Variants in KIF1B observed in about 807,000 individuals in gnomAD.
KIF1B encodes kinesin family member 1B, also known as kinesin-like protein KIF1B.
In KIF1B, 76 loss-of-function variants were observed where a neutral mutation model predicts 241.9. The ratio of observed to expected loss-of-function variants is 0.31; its 90% CI spans 0.26 to 0.38. The LOEUF is 0.38. Ranked by LOEUF, KIF1B falls within the 10% of genes least tolerant of loss-of-function variation. The pLI, the probability that KIF1B is intolerant of heterozygous loss-of-function variation, is 1.00. For synonymous variants in KIF1B, 750 were observed against 796.7 expected (o/e 0.94, Z 0.99); for missense variants, 1,622 against 2,271.4 (o/e 0.71, Z 5.81).
intron 2 of KIF1B, among the ~76,000 whole-genome samples, chr1:10,240,074 T>C (rs1167867836): frequency 5.9e-5 from 9 of 152,178 alleles, no homozygotes; most frequent in African/African-American, 1.9e-4. Context: ...CTGCTAATTT[T>C]TGTATTTTTG....
chr1:10,273,224 T>C (rs1648897015), intron 10 of KIF1B, among the ~76,000 whole-genome samples, 193 bp downstream of exon 10: 1 of 152,156 alleles, frequency 6.6e-6, no homozygotes, highest in Non-Finnish European at 1.5e-5. Flanking sequence ...AAAATTAATT[T>C]CTAGAACATG....
chr1:10,313,783 C>T (rs1053618807), intron 22 of KIF1B, among the ~76,000 whole-genome samples: 10 of 151,286 alleles, frequency 6.6e-5, no homozygotes, highest in Non-Finnish European at 1.3e-4. Flanking sequence ...ATCTCCTGAC[C>T]TCGTGATCTG....
rs1648887044 is a variant in KIF1B, at chr1:10,273,024, C to T, written c.875C>T (p.Thr292Ile). ...ISALAEVDNC[T>I]SKSKKKKKTD... ...TGCTTTCACCTGTAGGATAACTGCA[C>T]TAGCAAGGTACAGTGGGGATTGGTA... The change falls in exon 10 of 49, where the codon ACT becomes ATT. Residue 292 changes from threonine (T) to isoleucine (I), a missense_variant. By Grantham distance (89) the Thr-to-Ile change is moderately conservative. This residue lies in a region of KIF1B where 201 missense variants were observed against 301.2 expected (regional missense o/e 0.67). Coordinates refer to ENST00000676179, the MANE Select transcript of KIF1B (RefSeq NM_001365951.3). 1.9e-6 allele frequency: 3 copies of T among 1,546,162 alleles called. No homozygotes were observed. Among genetic ancestry groups the T allele is most frequent in the East Asian group, 2.4e-5 (1 of 40,884 alleles).
Position 10,334,602 on chromosome 1 carries a change from C to A in KIF1B, c.3007C>A (p.Arg1003=). 6.2e-7 allele frequency: 1 copy of A among 1,613,898 alleles called. No homozygotes were observed. Among genetic ancestry groups the A allele is most frequent in the Non-Finnish European group, 8.5e-7 (1 of 1,179,858 alleles). ...VAIVSEKGEV[R]GFLRVAVQAI... ...CATCGTCAGTGAGAAAGGTGAAGTGCGGGGATTTCTGCGTGTGGCTGTACA... is the reference window on the plus strand; with the variant it reads ...CATCGTCAGTGAGAAAGGTGAAGTGAGGGGATTTCTGCGTGTGGCTGTACA... The change falls in exon 28 of 49, where the codon CGG becomes AGG. Residue 1003 remains arginine (R), a synonymous_variant. Coordinates refer to ENST00000676179, the MANE Select transcript of KIF1B (RefSeq NM_001365951.3).
At chr1:10,315,171 CTTTTTTTTTTTTTT>C (rs765236286) in intron 22 of KIF1B, among the ~76,000 whole-genome samples, 1 of 80,064 alleles carries the variant, frequency 1.2e-5, no homozygotes, top group Non-Finnish European at 2.4e-5. Flanking sequence ...CAAGAATATT[CTTTTTTTTTTTTTT>C]TTTTTTTTTT....
intron 2 of KIF1B, among the ~76,000 whole-genome samples, chr1:10,243,102 G>A (rs1192410484): frequency 1.3e-5 from 2 of 152,104 alleles, no homozygotes; most frequent in Non-Finnish European, 2.9e-5. Flanking sequence ...TAAACTTGAG[G>A]AGGCAAAATG....
At chr1:10,299,294 C>G (rs1360046560) in intron 22 of KIF1B, among the ~76,000 whole-genome samples, 1 of 152,068 alleles carries the variant, frequency 6.6e-6, no homozygotes, top group African/African-American at 2.4e-5. Flanking sequence ...TGCAGATAAT[C>G]AGATTCTGGT....
At chr1:10,348,533 T>C (rs1652670073) in intron 36 of KIF1B, 116 bp from the exon 37 acceptor site, 1 of 770,648 alleles carries the variant, frequency 1.3e-6, no homozygotes, top group Non-Finnish European at 2.3e-6. Flanking sequence ...TTTCCGTCTT[T>C]CCACACCTCT....
intron 27 of KIF1B, among the ~76,000 whole-genome samples, chr1:10,331,901 G>T (rs1480878745): frequency 1.3e-5 from 2 of 152,226 alleles, no homozygotes; most frequent in African/African-American, 2.4e-5. Context: ...CAATAAAGAA[G>T]AAAATACAAA....
intron 2 of KIF1B, among the ~76,000 whole-genome samples, chr1:10,252,808 C>G (rs889277601): frequency 2.0e-5 from 3 of 152,004 alleles, no homozygotes; most frequent in Non-Finnish European, 4.4e-5. Context: ...CAACCTCCAC[C>G]TCTCGGGTTC....
intron 2 of KIF1B, among the ~76,000 whole-genome samples, chr1:10,246,845 T>A (rs77367187): frequency 6.6e-5 from 10 of 152,276 alleles, no homozygotes; most frequent in African/African-American, 1.9e-4. Context: ...CCTGTCACAT[T>A]TATTTCATTT....
intron 1 of KIF1B, among the ~76,000 whole-genome samples, chr1:10,221,032 T>TA (rs1183180767): frequency 2.6e-5 from 4 of 151,874 alleles, no homozygotes; most frequent in African/African-American, 9.7e-5. Flanking sequence ...AAAAATCTGA[T>TA]ATGTCAGGAG....
At chr1:10,367,579 C>T (rs1357628631) in intron 43 of KIF1B, among the ~76,000 whole-genome samples, 1 of 149,874 alleles carries the variant, frequency 6.7e-6, no homozygotes, top group African/African-American at 2.5e-5. Flanking sequence ...CTGTGGCCCA[C>T]GCTGGAGTGC....
chr1:10,367,253 A>C (rs1226861966), intron 43 of KIF1B, among the ~76,000 whole-genome samples: 1 of 150,700 alleles, frequency 6.6e-6, no homozygotes, highest in Non-Finnish European at 1.5e-5. Flanking sequence ...GTGCCACCAC[A>C]CCTGGCTAAT....
In KIF1B at chr1:10,324,729, A is replaced by G. The variant is rs1201395; in HGVS notation, c.2538-29A>G. On this transcript the variant is annotated intron_variant, in intron 25 of 48. Coordinates refer to ENST00000676179, the MANE Select transcript of KIF1B (RefSeq NM_001365951.3). ...AGTTTAATGCAATCTCATTATATTAACCCAATGTGCTTTGTGTTTACTAAA... is the reference window on the plus strand; with the variant it reads ...AGTTTAATGCAATCTCATTATATTAGCCCAATGTGCTTTGTGTTTACTAAA... 5.6e-6 allele frequency: 9 copies of G among 1,613,106 alleles called. 1 individual carries two copies. The South Asian group carries it at 8.8e-5, about 16-fold the overall frequency.
Position 10,365,765 on chromosome 1 carries a change from G to A in KIF1B, c.4752+117G>A. 1 of 1,410,838 alleles carries A rather than the reference G, an allele frequency of 7.1e-7. No homozygotes were observed. The highest frequency in any genetic ancestry group is 9.9e-7 in the Non-Finnish European group (1 of 1,013,480). The allele number at this position is 1,410,838 out of a possible 1,614,324, so 87.4% of individuals were successfully genotyped here. A position where few individuals can be genotyped will look rare whatever the true frequency, so the allele number is the denominator to read the frequency against. On this transcript the variant is annotated intron_variant, in intron 43 of 48. Transcript: ENST00000676179. The surrounding 1 kb of genome is among the most constrained non-coding windows in gnomAD (Gnocchi z 4.0). ...GTGTTTGAAGGCCTGTGATAATACT[G>A]TGAATGTAGAAATAAAAAGACGCAG...
At chr1:10,304,692 AG>A (rs773024013) in intron 22 of KIF1B, 1 of 1,609,020 alleles carries the variant, frequency 6.2e-7, no homozygotes, top group South Asian at 1.1e-5. Context: ...AGAAACAGAC[AG>A]TGTTAGCTCA....
chr1:10,270,445 C>T (rs1257246464), intron 7 of KIF1B, among the ~76,000 whole-genome samples: 2 of 152,084 alleles, frequency 1.3e-5, no homozygotes, highest in African/African-American at 4.8e-5. Context: ...ATGAGTATTG[C>T]GTTATACAGA....
chr1:10,347,976 G>A, intron 36 of KIF1B, 149 bp downstream of exon 36: 2 of 658,574 alleles, frequency 3.0e-6, no homozygotes, highest in South Asian at 3.4e-5. Context: ...TTTTTTCTGT[G>A]TCTGTCTGTA....
Sources: gnomAD v4.1 joint callset for allele counts (sites outside exome capture counted in the v4.1 genomes callset) on GRCh38, gnomAD v4.1.1 for gene constraint, gnomAD v4.1.1 regional missense constraint, Gnocchi (gnomAD v3.1) non-coding constraint, MANE v1.5 for transcripts, NCBI Gene and HGNC (gene_info 2026-07-23, HGNC 2026-07-21) for gene names.